PPP1R7: variants seen among roughly 807,000 people sequenced by gnomAD.
The protein encoded by PPP1R7 is protein phosphatase 1 regulatory subunit 7.
In PPP1R7, 18 loss-of-function variants were observed where a neutral mutation model predicts 45.2. That is an observed-to-expected ratio of 0.40 (90% confidence interval 0.28 to 0.59). PPP1R7 has a LOEUF of 0.59. Ranked by LOEUF, PPP1R7 falls within the 20% of genes least tolerant of loss-of-function variation. PPP1R7 has a pLI of 0.46. For missense variants in PPP1R7, 314 were observed against 455.8 expected, an observed-to-expected ratio of 0.69 and a Z score of 2.83; for synonymous variants, 181 against 183.4, an observed-to-expected ratio of 0.99 and a Z score of 0.11.
At chr2:241,160,559 CAGTG>C (rs913303821) in intron 6 of PPP1R7, 65 bp downstream of exon 6, 20 of 1,408,508 alleles carry the variant, frequency 1.4e-5, no homozygotes, top group Middle Eastern at 1.9e-4. Context: ...TGTGTGGACT[CAGTG>C]GGTGTATGTA....
chr2:241,158,466 A>T lies in PPP1R7; in HGVS notation c.238-18A>T. ...GCCACTTTGCTATAGCTGAGTATAG[A>T]TTTCTGCTTTGTTTCAGGATGTTGA... On this transcript the variant is annotated intron_variant, in intron 3 of 9. Transcript: ENST00000234038. 1 of 1,613,398 alleles carries T rather than the reference A, an allele frequency of 6.2e-7. No individual in the cohort carries two copies. The highest frequency in any genetic ancestry group is 8.5e-7 in the Non-Finnish European group (1 of 1,179,322).
chr2:241,159,269 G>A lies in PPP1R7; in HGVS notation c.360G>A (p.Gln120=), dbSNP rs772828175. 16 of 1,613,768 alleles carry A rather than the reference G, an allele frequency of 9.9e-6. No individual in the cohort carries two copies. The highest frequency in any genetic ancestry group is 1.1e-5 in the Non-Finnish European group (13 of 1,179,842). ...IKCIENLEEL[Q]SLRELDLYDN... is the part of the protein sequence containing the mutation. Reference sequence around the variant, plus strand: ...GCATTGAGAATCTGGAGGAGCTACAGAGTCTTCGAGAGCTGGATCTTTACG... The same window carrying A: ...GCATTGAGAATCTGGAGGAGCTACAAAGTCTTCGAGAGCTGGATCTTTACG... The change falls in exon 5 of 10, where the codon CAG becomes CAA. Residue 120 remains glutamine (Q), a synonymous_variant. Transcript: ENST00000234038.
At chr2:241,153,693 G>A (rs947025175) in intron 2 of PPP1R7, 89 bp downstream of exon 2, 1 of 1,525,352 alleles carries the variant, frequency 6.6e-7, no homozygotes, top group African/African-American at 1.4e-5. Flanking sequence ...TGGGTGCTGT[G>A]TCGGTCTGGA....
chr2:241,164,666 AGGCG>A (rs2067667101), intron 7 of PPP1R7, among the ~76,000 whole-genome samples: 1 of 152,194 alleles, frequency 6.6e-6, no homozygotes, highest in African/African-American at 2.4e-5. Context: ...CGGGAGATCT[AGGCG>A]GTCAGATCGC....
chr2:241,162,573 G>A (rs559106766), intron 6 of PPP1R7, among the ~76,000 whole-genome samples: 1 of 152,300 alleles, frequency 6.6e-6, no homozygotes, highest in East Asian at 1.9e-4. Flanking sequence ...GCAGAGTGCT[G>A]TGGTGTGAGG....
chr2:241,163,202 C>G, intron 6 of PPP1R7, 83 bp from the exon 7 acceptor site: 1 of 833,028 alleles, frequency 1.2e-6, no homozygotes, highest in Admixed American at 2.0e-5. Context: ...GCCCACATAG[C>G]TCTGCCCCGG....
intron 9 of PPP1R7, among the ~76,000 whole-genome samples, chr2:241,170,748 G>A (rs2067799371): frequency 6.6e-6 from 1 of 152,230 alleles, no homozygotes; most frequent in Non-Finnish European, 1.5e-5. Context: ...CTAGAACACA[G>A]GTGGCCTGCT....
intron 9 of PPP1R7, among the ~76,000 whole-genome samples, chr2:241,175,940 G>C (rs1312120860): frequency 6.6e-6 from 1 of 152,146 alleles, no homozygotes; most frequent in East Asian, 1.9e-4. Flanking sequence ...ACCACGCCTG[G>C]CTAATTTTTG....
Position 241,160,435 on chromosome 2 carries a change from G to A in PPP1R7, c.538G>A (p.Glu180Lys). The A allele has an allele frequency of 6.2e-7, 1 of 1,612,798 alleles. No homozygotes were observed. The highest frequency in any genetic ancestry group is 8.5e-7 in the Non-Finnish European group (1 of 1,179,678). Reference protein sequence around the residue: ...FLVNNKISKIENLSNLHQLQM... With the variant: ...FLVNNKISKIKNLSNLHQLQM... ...GGTCAACAATAAAATCAGTAAAATT[G>A]AGAACTTAAGCAACTTACATCAACT... Residue 180 changes from glutamate to lysine, a missense_variant, in exon 6 of 10, where the codon GAG becomes AAG. Transcript: ENST00000234038.
chr2:241,150,688 C>G (rs2067250501), intron 1 of PPP1R7, 141 bp downstream of exon 1: 2 of 1,269,292 alleles, frequency 1.6e-6, no homozygotes, highest in East Asian at 3.2e-5. Context: ...GACAGCCGGA[C>G]CCGGGGGAGC....
intron 8 of PPP1R7, among the ~76,000 whole-genome samples, 199 bp from the exon 9 acceptor site, chr2:241,169,582 C>G (rs2067779173): frequency 1.3e-5 from 2 of 152,098 alleles, no homozygotes; most frequent in African/African-American, 4.8e-5. Context: ...TGGGCAGGCT[C>G]TGATGGAAAC....
chr2:241,151,722 C>T (rs753263439), intron 1 of PPP1R7, among the ~76,000 whole-genome samples: 12 of 152,148 alleles, frequency 7.9e-5, no homozygotes, highest in Non-Finnish European at 1.2e-4. Flanking sequence ...AAAAGCCCGG[C>T]TTTTCTCACT....
At chr2:241,167,160 CTT>C (rs1486629377) in intron 8 of PPP1R7, 4 of 1,257,688 alleles carry the variant, frequency 3.2e-6, no homozygotes, top group Non-Finnish European at 1.1e-6. Context: ...AAATAAAAGA[CTT>C]TTTCTCATTC....
At chr2:241,153,090 G>A (rs2067360729) in intron 1 of PPP1R7, among the ~76,000 whole-genome samples, 1 of 152,196 alleles carries the variant, frequency 6.6e-6, no homozygotes, top group Non-Finnish European at 1.5e-5. Context: ...GAGGTATGTG[G>A]CAGAAGGGTC....
At chr2:241,176,354 C>G (rs2067907715) in intron 9 of PPP1R7, among the ~76,000 whole-genome samples, 1 of 152,228 alleles carries the variant, frequency 6.6e-6, no homozygotes, top group Non-Finnish European at 1.5e-5. Context: ...TTAAAAACAG[C>G]TCACACCCAG....
At chr2:241,168,820 A>G (rs2268897) in intron 8 of PPP1R7, among the ~76,000 whole-genome samples, 25,772 of 152,218 alleles carry the variant, frequency 0.17, 3,141 homozygotes, top group East Asian at 0.5. Context: ...GGCTGGGTAC[A>G]TTTCAGGGGA....
At chr2:241,172,902 T>C (rs991217486) in intron 9 of PPP1R7, among the ~76,000 whole-genome samples, 2 of 151,990 alleles carry the variant, frequency 1.3e-5, no homozygotes, top group Non-Finnish European at 2.9e-5. Flanking sequence ...TTTTTTTCCT[T>C]TTTAAGTACA....
chr2:241,157,789 T>C lies in PPP1R7; in HGVS notation c.182-18T>C, dbSNP rs368514507. 7 of 1,610,502 alleles carry C rather than the reference T, an allele frequency of 4.3e-6. No homozygotes were observed. The African/African-American group carries it at 9.4e-5, about 22-fold the overall frequency. On this transcript the variant is annotated intron_variant, in intron 2 of 9. Transcript: ENST00000234038. Reference sequence around the variant, plus strand: ...GTTAATGGGGTTCTGAACAAATCTCTTTTTCTTATTTTTTCAGAAGAACAT... The same window carrying C: ...GTTAATGGGGTTCTGAACAAATCTCCTTTTCTTATTTTTTCAGAAGAACAT...
chr2:241,174,829 C>T (rs1203482065), intron 9 of PPP1R7, among the ~76,000 whole-genome samples: 3 of 152,006 alleles, frequency 2.0e-5, no homozygotes, highest in Admixed American at 6.6e-5. Context: ...TGCCCGCCAC[C>T]ACGCCTGGCT....
Sources: allele counts gnomAD v4.1 joint callset (sites outside exome capture counted in the v4.1 genomes callset), GRCh38; gene constraint gnomAD v4.1.1; transcripts MANE v1.5; gene names NCBI Gene and HGNC (gene_info 2026-07-23, HGNC 2026-07-21).